TMEM209: variants seen among roughly 807,000 people sequenced by gnomAD.
The protein encoded by TMEM209 is testicular tissue protein Li 202.
A neutral mutation model predicts 76.2 loss-of-function variants in TMEM209; 65 were observed. The ratio of observed to expected loss-of-function variants is 0.85; its 90% confidence interval spans 0.70 to 1.05. TMEM209 has a LOEUF of 1.05. TMEM209 is among the 50% of genes least tolerant of loss of function. The probability of loss-of-function intolerance (pLI) is 0.00; values close to 1 mark genes in which losing one functional copy is unlikely to be tolerated. For missense variants in TMEM209, 623 were observed against 685.5 expected (o/e 0.91, Z 1.02); for synonymous variants, 239 against 237.6 (o/e 1.01, Z -0.06).
intron 8 of TMEM209, among the ~76,000 whole-genome samples, chr7:130,183,252 G>A (rs1272646056): frequency 6.6e-6 from 1 of 151,942 alleles, no homozygotes; most frequent in African/African-American, 2.4e-5. Flanking sequence ...TAATTTGCCA[G>A]CTGTGACAAA....
At chr7:130,181,854 T>C in intron 8 of TMEM209, 135 bp from the exon 9 acceptor site, 3 of 659,164 alleles carry the variant, frequency 4.6e-6, no homozygotes, top group Non-Finnish European at 7.6e-6. Flanking sequence ...TCATAAAGTA[T>C]AGTGAAAGAG....
At position 130,185,366 on chromosome 7, in the gene TMEM209, C is replaced by T; in HGVS notation, c.777G>A (p.Gly259=). Residue 259 remains glycine (G), a splice_region_variant and synonymous_variant, in exon 7 of 15, where the codon GGG becomes GGA. Coordinates refer to ENST00000397622, the MANE Select transcript of TMEM209 (RefSeq NM_032842.4). ...EEEKQHRVKL[G]SPDSTSPSSS... ...TGGAAGGAGAGGTAGAATCTGGGCT[C>T]CCTACAATTGTTAAGATAAACAGTA... is the stretch of plus-strand genomic sequence containing the variant. 3 of 1,613,124 alleles carry T rather than the reference C, an allele frequency of 1.9e-6. No individual in the cohort carries two copies. The highest frequency in any genetic ancestry group is 1.7e-6 in the Non-Finnish European group (2 of 1,179,350).
At chr7:130,203,642 G>T in intron 3 of TMEM209, 146 bp downstream of exon 3, 1 of 645,994 alleles carries the variant, frequency 1.5e-6, no homozygotes, top group Non-Finnish European at 2.7e-6. Flanking sequence ...GATTTACCTT[G>T]CTCCCTTTCT....
rs1796858927 is a variant in TMEM209 at position 130,165,698 on chromosome 7, TTAA to T, written c.*750_*752del. ...TAACTTGCAGAATGCTGGGGAAACA[TTAA>T]AAAAAAAAAAAAAAAAACTAAATCA... On this transcript the variant is annotated 3_prime_UTR_variant, in exon 15 of 15. Transcript: ENST00000397622. 2.5e-5 allele frequency: 3 copies of T among 120,940 alleles called. No homozygotes were observed. The highest frequency in any genetic ancestry group is 1.0e-4 in the African/African-American group (3 of 29,422). 7.5% of individuals were successfully genotyped at this position (120,940 alleles called of 1,614,324 possible). A position where few individuals can be genotyped will look rare whatever the true frequency, so the allele number is the denominator to read the frequency against.
intron 5 of TMEM209, among the ~76,000 whole-genome samples, chr7:130,200,211 A>C (rs937477577): frequency 6.6e-6 from 1 of 152,086 alleles, no homozygotes; most frequent in African/African-American, 2.4e-5. Context: ...AAATCAGAGG[A>C]TACAGACCCA....
intron 6 of TMEM209, 89 bp from the exon 7 acceptor site, chr7:130,185,456 G>T: frequency 1.8e-6 from 2 of 1,117,166 alleles, no homozygotes; most frequent in Non-Finnish European, 1.3e-6. Flanking sequence ...GGCAATCCAG[G>T]AATCAGAAGA....
rs1357611760 is a variant in TMEM209, at chr7:130,203,905, AAC to A, written c.141-61_141-60del. Reference sequence around the variant, plus strand: ...CTAAAAACACCAAAAATCAAAAACAAACACAAAAACCTGTGGAACCAGCCACT... The same window carrying A: ...CTAAAAACACCAAAAATCAAAAACAAACAAAAACCTGTGGAACCAGCCACT... On this transcript the variant is annotated intron_variant, in intron 2 of 14. Transcript: ENST00000397622. 6.9e-6 allele frequency: 11 copies of A among 1,593,844 alleles called. No individual in the cohort carries two copies. The East Asian group carries it at 2.5e-4, about 36-fold the overall frequency.
At chr7:130,188,565 C>T (rs989833756) in intron 6 of TMEM209, among the ~76,000 whole-genome samples, 3 of 142,478 alleles carry the variant, frequency 2.1e-5, no homozygotes, top group African/African-American at 8.2e-5. Flanking sequence ...CACTGCACTC[C>T]AGCCGGGGTG....
chr7:130,202,089 C>T lies in TMEM209; in HGVS notation c.334G>A (p.Val112Ile). The T allele has an allele frequency of 1.2e-6, 2 of 1,600,768 alleles. No individual in the cohort carries two copies. Among genetic ancestry groups the T allele is most frequent in the South Asian group, 1.1e-5 (1 of 89,728 alleles). Residue 112 changes from valine (V) to isoleucine (I), a missense_variant and splice_region_variant, in exon 5 of 15, where the codon GTA becomes ATA. Transcript: ENST00000397622. ...QTLLGLKTAV[V>I]QTTPPHDLAA... ...AGATCATGTGGAGGCGTAGTCTGTA[C>T]AACTAGAAGGAAAAAAAAAGCAACA...
chr7:130,191,242 CA>C (rs1797786619), intron 6 of TMEM209, among the ~76,000 whole-genome samples: 1 of 150,020 alleles, frequency 6.7e-6, no homozygotes, highest in Admixed American at 6.8e-5. Flanking sequence ...AGATAAGTGG[CA>C]TAATTCACCA....
At chr7:130,170,722 TCA>T (rs1797040317) in intron 13 of TMEM209, among the ~76,000 whole-genome samples, 1 of 151,922 alleles carries the variant, frequency 6.6e-6, no homozygotes, top group South Asian at 2.1e-4. Context: ...AAACTAAGAA[TCA>T]CAACAAAGTG....
intron 13 of TMEM209, among the ~76,000 whole-genome samples, chr7:130,170,906 G>A (rs947448807): frequency 2.6e-5 from 4 of 151,082 alleles, no homozygotes; most frequent in East Asian, 1.9e-4. Flanking sequence ...TCAGCTCACC[G>A]CAACCTCCAT....
At chr7:130,202,405 T>G in intron 4 of TMEM209, 127 bp downstream of exon 4, 1 of 1,314,634 alleles carries the variant, frequency 7.6e-7, no homozygotes, top group Non-Finnish European at 1.0e-6. Context: ...ATAAGACAAT[T>G]TATTGTATCC....
chr7:130,172,593 C>T (rs1797105858), intron 13 of TMEM209, among the ~76,000 whole-genome samples: 1 of 152,044 alleles, frequency 6.6e-6, no homozygotes, highest in South Asian at 2.1e-4. Flanking sequence ...ATCTGCCTGC[C>T]TCTACCTTTT....
chr7:130,173,062 T>C (rs34604075), intron 13 of TMEM209, among the ~76,000 whole-genome samples: 6,498 of 148,656 alleles, frequency 0.044, 215 homozygotes, highest in Non-Finnish European at 0.068. Flanking sequence ...AATTATGTTA[T>C]AAAGCTAATA....
intron 1 of TMEM209, 106 bp downstream of exon 1, chr7:130,205,267 G>A: frequency 6.2e-7 from 1 of 1,611,002 alleles, no homozygotes; most frequent in South Asian, 1.1e-5. Context: ...GGAACGCCTA[G>A]CCACATCCCC....
chr7:130,187,611 A>G (rs1326533793), intron 6 of TMEM209, among the ~76,000 whole-genome samples: 1 of 151,438 alleles, frequency 6.6e-6, no homozygotes, highest in Admixed American at 6.6e-5. Flanking sequence ...TGGGACCAGG[A>G]GATAATGAAA....
rs1283784446 is a variant in TMEM209, at chr7:130,166,355, T to C, written c.*96A>G. 1.1e-6 allele frequency: 1 copy of C among 938,458 alleles called. No homozygotes were observed. Among genetic ancestry groups the C allele is most frequent in the Non-Finnish European group, 1.6e-6 (1 of 633,056 alleles). The allele number at this position is 938,458 out of a possible 1,614,324, so 58.1% of individuals were successfully genotyped here. Reference sequence around the variant, plus strand: ...AGAGTCTGTAACATACACCCATGTGTATTTTATTTCAGAAGAGTCAGTGGC... The same window carrying C: ...AGAGTCTGTAACATACACCCATGTGCATTTTATTTCAGAAGAGTCAGTGGC... On this transcript the variant is annotated 3_prime_UTR_variant, in exon 15 of 15. Transcript: ENST00000397622.
chr7:130,192,560 ATAG>A (rs1161994323), intron 6 of TMEM209, 59 bp downstream of exon 6: 2 of 1,378,700 alleles, frequency 1.5e-6, no homozygotes, highest in Non-Finnish European at 2.0e-6. Context: ...AATAATGAAA[ATAG>A]TAGGTTAAGG....
Sources: allele counts gnomAD v4.1 joint callset (sites outside exome capture counted in the v4.1 genomes callset), GRCh38; gene constraint gnomAD v4.1.1; transcripts MANE v1.5; gene names NCBI Gene and HGNC (gene_info 2026-07-23, HGNC 2026-07-21).